Variants in COPG2 observed in about 807,000 individuals in gnomAD.
COPG2 encodes the protein coatomer subunit gamma-2.
In COPG2, 37 loss-of-function variants were observed where a neutral mutation model predicts 46.3. That is an observed-to-expected ratio of 0.80 (90% CI 0.61 to 1.05). The LOEUF is 1.05. Among genes scored for constraint, COPG2 ranks in the 50% least tolerant of loss-of-function variants. COPG2 has a pLI of 0.00. For missense variants in COPG2, 427 were observed against 387.8 expected, an observed-to-expected ratio of 1.10 and a Z score of -0.85; for synonymous variants, 159 against 129.7, an observed-to-expected ratio of 1.23 and a Z score of -1.53.
At position 130,547,586 on chromosome 7, in the gene COPG2, A is replaced by G. The variant is rs910079482; in HGVS notation, c.2149+88T>C. The G allele has an allele frequency of 1.3e-5, 5 of 398,410 alleles. No homozygotes were observed. The Admixed American group carries it at 2.2e-4, about 18-fold the overall frequency. 24.7% of individuals were successfully genotyped at this position (398,410 alleles called of 1,614,324 possible). On this transcript the variant is annotated intron_variant, in intron 20 of 23. Transcript: ENST00000425248. ...TCATTAAATTCTAGAAAAGCATCAC[A>G]TTCTTAAACTGAGCATTTGAAGAGT...
intron 5 of COPG2, among the ~76,000 whole-genome samples, chr7:130,624,861 C>G (rs1357273342): frequency 6.6e-6 from 1 of 152,136 alleles, no homozygotes; most frequent in Non-Finnish European, 1.5e-5. Context: ...GTGAACTGTG[C>G]TGTTATAAAC....
At chr7:130,650,158 C>G (rs1055919134) in intron 5 of COPG2, among the ~76,000 whole-genome samples, 2 of 152,164 alleles carry the variant, frequency 1.3e-5, no homozygotes, top group Non-Finnish European at 2.9e-5. Flanking sequence ...CTCTTACTGA[C>G]GCCTCTTCTG....
chr7:130,586,133 G>T (rs911639747), intron 9 of COPG2, among the ~76,000 whole-genome samples: 5 of 152,118 alleles, frequency 3.3e-5, no homozygotes, highest in Admixed American at 2.0e-4. Flanking sequence ...ATACTACTCA[G>T]CCATAAAAAA....
chr7:130,592,855 C>T (rs1233187538), intron 9 of COPG2, among the ~76,000 whole-genome samples: 1 of 152,236 alleles, frequency 6.6e-6, no homozygotes, highest in Non-Finnish European at 1.5e-5. Context: ...CCACATTATG[C>T]TGCTCTTGTA....
intron 5 of COPG2, among the ~76,000 whole-genome samples, chr7:130,633,878 T>C (rs1294411352): frequency 3.9e-5 from 6 of 152,216 alleles, no homozygotes; most frequent in Non-Finnish European, 5.9e-5. Flanking sequence ...CTTTAATCCA[T>C]TTTGAGTTAA....
chr7:130,634,715 T>G (rs1252408949), intron 5 of COPG2, among the ~76,000 whole-genome samples: 1 of 152,122 alleles, frequency 6.6e-6, no homozygotes, highest in East Asian at 1.9e-4. Flanking sequence ...TTCTCTTGCT[T>G]AATAGCCCTA....
chr7:130,519,478 A>G (rs1799707980), intron 20 of COPG2, among the ~76,000 whole-genome samples: 1 of 152,236 alleles, frequency 6.6e-6, no homozygotes, highest in Non-Finnish European at 1.5e-5. Context: ...AGTGCTGAAT[A>G]TCAAGAGTGT....
At chr7:130,553,803 T>C (rs2116390879) in intron 14 of COPG2, among the ~76,000 whole-genome samples, 1 of 152,318 alleles carries the variant, frequency 6.6e-6, no homozygotes, top group South Asian at 2.1e-4. Context: ...TGGAAACATG[T>C]AGGCTATTGT....
intron 20 of COPG2, among the ~76,000 whole-genome samples, chr7:130,516,761 C>G (rs1799681518): frequency 6.6e-6 from 1 of 152,142 alleles, no homozygotes; most frequent in Non-Finnish European, 1.5e-5. Flanking sequence ...AAGTAAGAGC[C>G]AGGGCATAAG....
At chr7:130,576,049 T>G (rs1443221957) in intron 9 of COPG2, among the ~76,000 whole-genome samples, 1 of 152,072 alleles carries the variant, frequency 6.6e-6, no homozygotes, top group African/African-American at 2.4e-5. Context: ...CACCCAAAAC[T>G]TGAGCTCCCA....
chr7:130,628,498 T>G (rs1363895709), intron 5 of COPG2, among the ~76,000 whole-genome samples: 1 of 152,204 alleles, frequency 6.6e-6, no homozygotes, highest in Admixed American at 6.5e-5. Flanking sequence ...TGTGCAATTG[T>G]TCTAATATAT....
chr7:130,631,764 TTAAC>T (rs1554455230), intron 5 of COPG2, among the ~76,000 whole-genome samples: 3 of 152,206 alleles, frequency 2.0e-5, no homozygotes, highest in Admixed American at 6.5e-5. Context: ...AAGCAGTCAA[TTAAC>T]TTTTAAAATT....
At chr7:130,563,742 T>C (rs1440840577) in intron 10 of COPG2, among the ~76,000 whole-genome samples, 2 of 113,140 alleles carry the variant, frequency 1.8e-5, no homozygotes, top group Non-Finnish European at 3.3e-5. Context: ...AGTGACAGAG[T>C]GAGACTCCGT....
At chr7:130,546,288 A>G (rs1261446724) in intron 20 of COPG2, among the ~76,000 whole-genome samples, 2 of 152,198 alleles carry the variant, frequency 1.3e-5, no homozygotes, top group African/African-American at 2.4e-5. Flanking sequence ...GAAAAAGGTA[A>G]ATAAAACTAG....
intron 20 of COPG2, among the ~76,000 whole-genome samples, chr7:130,513,308 A>AAT (rs1197540092): frequency 0.011 from 610 of 55,590 alleles, 23 homozygotes; most frequent in South Asian, 0.019. Context: ...AAAAAAAAAA[A>AAT]ATATATATAT....
At chr7:130,526,665 G>A (rs1799777114) in intron 20 of COPG2, among the ~76,000 whole-genome samples, 1 of 151,740 alleles carries the variant, frequency 6.6e-6, no homozygotes, top group Non-Finnish European at 1.5e-5. Context: ...AATTTGGAGT[G>A]CTCAGAGCAG....
chr7:130,528,532 G>A (rs936616120), intron 20 of COPG2, among the ~76,000 whole-genome samples: 49 of 152,244 alleles, frequency 3.2e-4, no homozygotes, highest in Middle Eastern at 3.4e-3. Flanking sequence ...CTGAGATCAC[G>A]AATTAGGCCA....
chr7:130,509,626 G>C, intron 20 of COPG2: 1 of 498,938 alleles, frequency 2.0e-6, no homozygotes, highest in Non-Finnish European at 4.0e-6. Flanking sequence ...TGTAGTGACT[G>C]TCAATACATG....
chr7:130,539,547 G>T (rs1297665935), intron 20 of COPG2, among the ~76,000 whole-genome samples: 1 of 152,324 alleles, frequency 6.6e-6, no homozygotes, highest in Admixed American at 6.5e-5. Flanking sequence ...AGAGATGACT[G>T]AGTCAGATGA....
Sources: allele counts gnomAD v4.1 joint callset (sites outside exome capture counted in the v4.1 genomes callset), GRCh38; gene constraint gnomAD v4.1.1; transcripts MANE v1.5; gene names NCBI Gene and HGNC (gene_info 2026-07-23, HGNC 2026-07-21).